NRP2: variants seen among roughly 807,000 people sequenced by gnomAD.
NRP2 encodes the protein neuropilin-2.
Under a neutral mutation model 110.4 loss-of-function variants are expected in NRP2, and 52 were observed. The ratio of observed to expected loss-of-function variants is 0.47; its 90% CI spans 0.38 to 0.59. The LOEUF (loss-of-function observed/expected upper bound fraction) is 0.59. Among genes scored for constraint, NRP2 ranks in the 20% least tolerant of loss-of-function variants. The probability of loss-of-function intolerance (pLI) is 0.00; values close to 1 mark genes in which losing one functional copy is unlikely to be tolerated. For synonymous variants in NRP2, 508 were observed against 468.9 expected, an observed-to-expected ratio of 1.08 and a Z score of -1.08; for missense variants, 1,049 against 1,203.0, an observed-to-expected ratio of 0.87 and a Z score of 1.89.
chr2:205,774,114 T>C (rs2058063134), intron 15 of NRP2, among the ~76,000 whole-genome samples: 1 of 152,184 alleles, frequency 6.6e-6, no homozygotes, highest in South Asian at 2.1e-4. Context: ...CTGTGCATTT[T>C]TGTAAGCTCA....
chr2:205,716,408 G>C (rs775295749), intron 3 of NRP2, 34 bp downstream of exon 3: 2 of 1,610,402 alleles, frequency 1.2e-6, no homozygotes, highest in South Asian at 1.1e-5. Flanking sequence ...CCGGGAGATG[G>C]GCGTCTTAGA....
chr2:205,688,852 A>G (rs1436697464), intron 1 of NRP2, among the ~76,000 whole-genome samples: 1 of 80,702 alleles, frequency 1.2e-5, no homozygotes, highest in Non-Finnish European at 3.0e-5. Context: ...ACAAAAAAAC[A>G]AAACAAAACA....
intron 1 of NRP2, among the ~76,000 whole-genome samples, chr2:205,693,640 A>G (rs1026171314): frequency 4.6e-5 from 7 of 152,182 alleles, no homozygotes; most frequent in South Asian, 2.1e-4. Context: ...AAATTGAGTG[A>G]GTTAAGAGTT....
rs148084722 is a variant in NRP2 at position 205,752,836 on chromosome 2, C to T, written c.1905C>T (p.Asp635=). The T allele has an allele frequency of 7.4e-6, 12 of 1,614,024 alleles. No individual in the cohort carries two copies. Among genetic ancestry groups the T allele is most frequent in the Admixed American group, 3.3e-5 (2 of 59,992 alleles). The change falls in exon 12 of 17, where the codon GAC becomes GAT. Residue 635 remains aspartate (D), a splice_region_variant and synonymous_variant. Coordinates refer to ENST00000357785, the MANE Select transcript of NRP2 (RefSeq NM_003872.3). Reference sequence around the variant, plus strand: ...TGGGTTATTGTTTTCCCCTTTTAGACAAAGATTTGCAGCTCCCTTCGGGAT... The same window carrying T: ...TGGGTTATTGTTTTCCCCTTTTAGATAAAGATTTGCAGCTCCCTTCGGGAT... ...ECGENCSFED[D]KDLQLPSGFN... is the part of the protein sequence containing the mutation.
chr2:205,734,215 GCA>G (rs141532341), intron 7 of NRP2, among the ~76,000 whole-genome samples: 13 of 149,032 alleles, frequency 8.7e-5, no homozygotes, highest in Non-Finnish European at 8.9e-5. Context: ...GTATACACGT[GCA>G]CACACACACA....
chr2:205,741,492 T>C (rs1283605141), intron 8 of NRP2, among the ~76,000 whole-genome samples: 1 of 152,094 alleles, frequency 6.6e-6, no homozygotes, highest in African/African-American at 2.4e-5. Flanking sequence ...ACCCAAGGCA[T>C]GTAGATTGGA....
chr2:205,770,118 G>T (rs1283110956), intron 15 of NRP2, among the ~76,000 whole-genome samples: 1 of 152,170 alleles, frequency 6.6e-6, no homozygotes, highest in Non-Finnish European at 1.5e-5. Flanking sequence ...CCAGCTGGGT[G>T]CACCTGTGGA....
At chr2:205,742,862 T>C (rs1223551240) in intron 8 of NRP2, among the ~76,000 whole-genome samples, 1 of 152,166 alleles carries the variant, frequency 6.6e-6, no homozygotes, top group Non-Finnish European at 1.5e-5. Flanking sequence ...GGCACCATCC[T>C]GTGAGCTCTT....
chr2:205,768,754 A>G lies in NRP2; in HGVS notation c.2425+1951A>G, dbSNP rs931241182. ...CTTTGAGGCTAAGCAAAGGCAGTGC[A>G]CAAGTTGCATGGATTAGGCCATGGC... On this transcript the variant is annotated intron_variant, in intron 15 of 16. Transcript: ENST00000357785. 8.5e-5 allele frequency among the ~76,000 whole-genome samples: 13 copies of G among 152,354 alleles called. No homozygotes were observed. In the East Asian group the frequency reaches 2.5e-3, roughly 29 times the overall value.
intron 6 of NRP2, among the ~76,000 whole-genome samples, chr2:205,726,946 A>T (rs1328135508): frequency 6.6e-6 from 1 of 152,172 alleles, no homozygotes; most frequent in Non-Finnish European, 1.5e-5. Context: ...GCCATTTGTC[A>T]TTGTCTCTTC....
At chr2:205,764,014 G>A in intron 13 of NRP2, 78 bp downstream of exon 13, 3 of 1,558,062 alleles carry the variant, frequency 1.9e-6, no homozygotes, top group Non-Finnish European at 2.6e-6. Flanking sequence ...GTTAGGGAAC[G>A]TGGTTAAGCG....
intron 12 of NRP2, among the ~76,000 whole-genome samples, chr2:205,761,169 T>C (rs1170286668): frequency 6.6e-6 from 1 of 152,228 alleles, no homozygotes; most frequent in Non-Finnish European, 1.5e-5. Flanking sequence ...AGAAGCTAGC[T>C]GATTCTCCTG....
chr2:205,702,218 G>C (rs542616672), intron 2 of NRP2, among the ~76,000 whole-genome samples: 2 of 152,328 alleles, frequency 1.3e-5, no homozygotes, highest in South Asian at 4.1e-4. Context: ...GTCTCCTGTA[G>C]CCTTCCCATT....
chr2:205,756,536 G>T (rs1399132304), intron 12 of NRP2: 2 of 152,128 alleles, frequency 1.3e-5, no homozygotes, highest in African/African-American at 4.8e-5. Flanking sequence ...CAAAACTTCG[G>T]TTCTGCTGTC....
intron 2 of NRP2, among the ~76,000 whole-genome samples, chr2:205,705,664 C>T (rs2056660030): frequency 1.3e-5 from 2 of 152,066 alleles, no homozygotes; most frequent in Non-Finnish European, 2.9e-5. Context: ...TATGTTTAAC[C>T]GCCACAGCTG....
intron 15 of NRP2, among the ~76,000 whole-genome samples, chr2:205,768,830 G>T (rs889308669): frequency 6.6e-6 from 1 of 152,186 alleles, no homozygotes; most frequent in African/African-American, 2.4e-5. Context: ...ACCAAGGCTT[G>T]GGGAGCAGAG....
chr2:205,694,834 G>A (rs1346843405), intron 1 of NRP2, among the ~76,000 whole-genome samples: 1 of 152,216 alleles, frequency 6.6e-6, no homozygotes, highest in Non-Finnish European at 1.5e-5. Context: ...GAATGATTAA[G>A]TGTGTTTTCT....
At chr2:205,688,705 A>AG (rs2056233308) in intron 1 of NRP2, among the ~76,000 whole-genome samples, 1 of 152,218 alleles carries the variant, frequency 6.6e-6, no homozygotes, top group Non-Finnish European at 1.5e-5. Context: ...GACCTTTGGC[A>AG]GACCAGCTGT....
At chr2:205,775,400 T>C (rs2058082476) in intron 15 of NRP2, among the ~76,000 whole-genome samples, 1 of 152,182 alleles carries the variant, frequency 6.6e-6, no homozygotes, top group Non-Finnish European at 1.5e-5. Context: ...CTCTGCCAGC[T>C]TCTCTTCCCT....
Sources: allele counts gnomAD v4.1 joint callset (sites outside exome capture counted in the v4.1 genomes callset), GRCh38; gene constraint gnomAD v4.1.1; transcripts MANE v1.5; gene names NCBI Gene and HGNC (gene_info 2026-07-23, HGNC 2026-07-21).